Variants in SEC14L1 observed in about 807,000 individuals in gnomAD.
SEC14L1 encodes the protein SEC14 like lipid binding 1.
A neutral mutation model predicts 85.3 loss-of-function variants in SEC14L1; 48 were observed. That is an observed-to-expected ratio of 0.56 (90% CI 0.45 to 0.72). The LOEUF (loss-of-function observed/expected upper bound fraction) is 0.72. Ranked by LOEUF, SEC14L1 falls within the 30% of genes least tolerant of loss-of-function variation. The probability of loss-of-function intolerance (pLI) is 0.00; values close to 1 mark genes in which losing one functional copy is unlikely to be tolerated. For missense variants in SEC14L1, 682 were observed against 921.4 expected, an observed-to-expected ratio of 0.74 and a Z score of 3.36; for synonymous variants, 391 against 355.5, an observed-to-expected ratio of 1.10 and a Z score of -1.12.
chr17:77,099,293 G>A (rs1389615287), intron 3 of SEC14L1: 1 of 152,156 alleles, frequency 6.6e-6, no homozygotes, highest in Non-Finnish European at 1.5e-5. Flanking sequence ...TCCCACACGA[G>A]GCTCCGTAAG....
intron 3 of SEC14L1, among the ~76,000 whole-genome samples, chr17:77,098,122 T>A (rs1971691063): frequency 6.6e-6 from 1 of 152,168 alleles, no homozygotes; most frequent in Admixed American, 6.6e-5. Flanking sequence ...TTTCTCTGAA[T>A]AGTGTCCGTA....
intron 3 of SEC14L1, chr17:77,094,736 G>A (rs2143285189): frequency 6.6e-6 from 1 of 152,380 alleles, no homozygotes; most frequent in South Asian, 2.1e-4. Flanking sequence ...AAAGTGCTGG[G>A]ATTACAGACA....
chr17:77,169,248 C>T (rs561260778), intron 3 of SEC14L1, among the ~76,000 whole-genome samples: 15 of 152,184 alleles, frequency 9.9e-5, no homozygotes, highest in African/African-American at 2.6e-4. Flanking sequence ...CTCCGAGGGA[C>T]GTTAATCTTT....
chr17:77,140,532 A>G (rs903133961), upstream of SEC14L1, among the ~76,000 whole-genome samples: 2 of 152,260 alleles, frequency 1.3e-5, no homozygotes, highest in Admixed American at 6.5e-5. Context: ...TCAGAGCAGC[A>G]GCCATACGGG....
Position 77,214,065 on chromosome 17 carries a change from C to G in SEC14L1, c.*42C>G. The G allele has an allele frequency of 1.3e-6, 2 of 1,588,970 alleles. No homozygotes were observed. Among genetic ancestry groups the G allele is most frequent in the Non-Finnish European group, 1.7e-6 (2 of 1,166,842 alleles). On this transcript the variant is annotated 3_prime_UTR_variant, in exon 17 of 17. Transcript: ENST00000436233. Reference sequence around the variant, plus strand: ...CCTAGTGTGCAGAGGGGACGGCCGCCCCTCCTCGGACAGCCAGCTGCACCC... The same window carrying G: ...CCTAGTGTGCAGAGGGGACGGCCGCGCCTCCTCGGACAGCCAGCTGCACCC...
intron 7 of SEC14L1, among the ~76,000 whole-genome samples, chr17:77,195,999 G>T (rs947742099): frequency 1.3e-5 from 2 of 152,196 alleles, no homozygotes; most frequent in Admixed American, 1.3e-4. Flanking sequence ...GAGTCAGAAA[G>T]TGTACCTGTG....
chr17:77,190,716 G>T (rs550290009), intron 3 of SEC14L1, 87 bp from the exon 4 acceptor site: 1,052 of 1,394,856 alleles, frequency 7.5e-4, no homozygotes, highest in Non-Finnish European at 9.8e-4. Flanking sequence ...GCACCGAGAG[G>T]TGCTGTTCCA....
intron 3 of SEC14L1, among the ~76,000 whole-genome samples, chr17:77,147,933 T>C (rs1051237178): frequency 3.9e-5 from 6 of 152,182 alleles, no homozygotes; most frequent in Admixed American, 1.3e-4. Flanking sequence ...GAGGAGAAAT[T>C]AATCAGTGAA....
At chr17:77,195,134 T>G (rs553682779) in intron 7 of SEC14L1, 1 of 558,470 alleles carries the variant, frequency 1.8e-6, no homozygotes, top group East Asian at 2.9e-5. Context: ...ATCAAGTTAT[T>G]TTTATTCTTT....
chr17:77,171,185 A>T lies in SEC14L1; in HGVS notation c.64-19618A>T, dbSNP rs572981032. Among the ~76,000 whole-genome samples, 125 of 152,286 alleles carry T rather than the reference A, an allele frequency of 8.2e-4. 1 individual carries two copies. Among genetic ancestry groups the T allele is most frequent in the African/African-American group, 3.0e-3 (123 of 41,556 alleles). ...GGGTATAGATTTCTATACACCCATAAACTCCGAGAGCGGCATCACACATAG... is the reference window on the plus strand; with the variant it reads ...GGGTATAGATTTCTATACACCCATATACTCCGAGAGCGGCATCACACATAG... On this transcript the variant is annotated intron_variant, in intron 3 of 16. Transcript: ENST00000436233.
At chr17:77,153,496 A>G (rs1973663470) in intron 3 of SEC14L1, among the ~76,000 whole-genome samples, 1 of 152,208 alleles carries the variant, frequency 6.6e-6, no homozygotes, top group Non-Finnish European at 1.5e-5. Flanking sequence ...TTTTTTTCCC[A>G]AATTAAACTA....
intron 3 of SEC14L1, among the ~76,000 whole-genome samples, chr17:77,165,249 CTTAG>C (rs753526360): frequency 7.9e-5 from 12 of 152,132 alleles, no homozygotes; most frequent in Non-Finnish European, 1.8e-4. Flanking sequence ...TGAGACAGGT[CTTAG>C]TTAATTTAGA....
At chr17:77,162,698 T>C (rs1000224799) in intron 3 of SEC14L1, among the ~76,000 whole-genome samples, 10 of 151,822 alleles carry the variant, frequency 6.6e-5, no homozygotes, top group African/African-American at 2.4e-4. Flanking sequence ...GGCGTGGTGG[T>C]ACGTGCCTGT....
Position 77,198,890 on chromosome 17 carries a change from T to C in SEC14L1, c.820-1594T>C, listed in dbSNP as rs796070390. 22 of 152,170 alleles carry C rather than the reference T, an allele frequency of 1.4e-4. 1 individual carries two copies. Among genetic ancestry groups the C allele is most frequent in the African/African-American group, 5.3e-4 (22 of 41,480 alleles). The allele number at this position is 152,170 out of a possible 1,614,324, so 9.4% of individuals were successfully genotyped here. A position where few individuals can be genotyped will look rare whatever the true frequency, so the allele number is the denominator to read the frequency against. Reference sequence around the variant, plus strand: ...CCCGGCCATGAGATCTGTTAAATTATGATATGCATTAAAAAGTCATGACAT... The same window carrying C: ...CCCGGCCATGAGATCTGTTAAATTACGATATGCATTAAAAAGTCATGACAT... On this transcript the variant is annotated intron_variant, in intron 8 of 16. Coordinates refer to ENST00000436233, the MANE Select transcript of SEC14L1 (RefSeq NM_001143998.2).
At chr17:77,091,620 T>C (rs1329365314) in intron 2 of SEC14L1, among the ~76,000 whole-genome samples, 1 of 152,188 alleles carries the variant, frequency 6.6e-6, no homozygotes, top group Non-Finnish European at 1.5e-5. Flanking sequence ...CACATGTGGC[T>C]AGTGGCTGCT....
At chr17:77,186,972 C>T (rs141176943) in intron 3 of SEC14L1, among the ~76,000 whole-genome samples, 37 of 152,248 alleles carry the variant, frequency 2.4e-4, no homozygotes, top group Non-Finnish European at 4.1e-4. Flanking sequence ...GTTCTAACCT[C>T]GCCTCATTTT....
chr17:77,186,885 C>T (rs556949538), intron 3 of SEC14L1, among the ~76,000 whole-genome samples: 143 of 152,266 alleles, frequency 9.4e-4, no homozygotes, highest in Middle Eastern at 3.4e-3. Context: ...GTGCCATTTT[C>T]ATTAATATTT....
chr17:77,173,934 T>C (rs1974635641), intron 3 of SEC14L1, among the ~76,000 whole-genome samples: 1 of 151,632 alleles, frequency 6.6e-6, no homozygotes, highest in South Asian at 2.1e-4. Flanking sequence ...GGAGTCTTGC[T>C]CTGTTGCCCA....
intron 3 of SEC14L1, among the ~76,000 whole-genome samples, chr17:77,132,901 C>T (rs1428653778): frequency 2.0e-5 from 3 of 150,592 alleles, no homozygotes; most frequent in African/African-American, 7.4e-5. Context: ...CTCACTCTCT[C>T]GCCCAGGCTG....
Sources: allele counts gnomAD v4.1 joint callset (sites outside exome capture counted in the v4.1 genomes callset), GRCh38; gene constraint gnomAD v4.1.1; transcripts MANE v1.5; gene names NCBI Gene and HGNC (gene_info 2026-07-23, HGNC 2026-07-21).